SCAI: variants seen among roughly 807,000 people sequenced by gnomAD.
The protein encoded by SCAI is protein SCAI.
SCAI carries 24 observed loss-of-function variants against 92.2 expected under a neutral mutation model. The observed-to-expected ratio is 0.26, with a 90% CI of 0.19 to 0.37. The LOEUF is 0.37. Ranked by LOEUF, SCAI falls within the 10% of genes least tolerant of loss-of-function variation. The probability of loss-of-function intolerance (pLI) is 1.00; values close to 1 mark genes in which losing one functional copy is unlikely to be tolerated. For missense variants in SCAI, 450 were observed against 736.2 expected (o/e 0.61, Z 4.50); for synonymous variants, 261 against 258.6 (o/e 1.01, Z -0.09).
intron 2 of SCAI, among the ~76,000 whole-genome samples, chr9:125,098,936 T>C (rs1272689298): frequency 2.0e-5 from 3 of 152,124 alleles, no homozygotes; most frequent in African/African-American, 7.2e-5. Context: ...TTCTCCCTCC[T>C]GTTTCCAGTT....
At chr9:125,011,691 G>C (rs1344694132) in intron 9 of SCAI, among the ~76,000 whole-genome samples, 1 of 152,160 alleles carries the variant, frequency 6.6e-6, no homozygotes, top group East Asian at 1.9e-4. Flanking sequence ...ATGCCACAAA[G>C]ATATTCCTCG....
intron 14 of SCAI, among the ~76,000 whole-genome samples, chr9:124,989,888 A>C (rs541862586): frequency 2.0e-4 from 29 of 147,644 alleles, no homozygotes; most frequent in Admixed American, 1.7e-3. Flanking sequence ...CACACACACA[A>C]AAAAGGCCAG....
chr9:125,005,853 T>C (rs1832495050), intron 9 of SCAI, among the ~76,000 whole-genome samples: 1 of 152,034 alleles, frequency 6.6e-6, no homozygotes. Context: ...TCCAGAGACA[T>C]AAACATGAAG....
Position 124,944,872 on chromosome 9 carries a change from GAGAAA to G in SCAI, c.*7930_*7934del, listed in dbSNP as rs1831121272. ...GTGGACATTCACAACAGCTTCAGAA[GAGAAA>G]AGAAAATCAGTGATATAACAAACAT... On this transcript the variant is annotated 3_prime_UTR_variant, in exon 18 of 18. Coordinates refer to ENST00000336505, the MANE Select transcript of SCAI (RefSeq NM_001144877.3). The G allele has an allele frequency of 6.6e-6, 1 of 152,156 alleles. No individual in the cohort carries two copies. The highest frequency in any genetic ancestry group is 1.5e-5 in the Non-Finnish European group (1 of 68,034). The allele number at this position is 152,156 out of a possible 1,614,324, so 9.4% of individuals were successfully genotyped here. A position where few individuals can be genotyped will look rare whatever the true frequency, so the allele number is the denominator to read the frequency against.
At chr9:125,068,368 C>A (rs1588194557) in intron 2 of SCAI, among the ~76,000 whole-genome samples, 1 of 152,054 alleles carries the variant, frequency 6.6e-6, no homozygotes, top group Non-Finnish European at 1.5e-5. Flanking sequence ...GGCATGATGG[C>A]ATGCACCTGT....
intron 17 of SCAI, among the ~76,000 whole-genome samples, chr9:124,953,351 G>A (rs978348232): frequency 6.6e-5 from 10 of 152,040 alleles, no homozygotes; most frequent in Non-Finnish European, 8.8e-5. Flanking sequence ...TGGGGCAGCC[G>A]GGCACCATGG....
chr9:125,130,088 G>A (rs768209878), intron 2 of SCAI, among the ~76,000 whole-genome samples: 21 of 151,640 alleles, frequency 1.4e-4, no homozygotes, highest in Non-Finnish European at 2.8e-4. Flanking sequence ...TAGTAGAGAC[G>A]GGGTTTTGCC....
intron 2 of SCAI, among the ~76,000 whole-genome samples, chr9:125,086,986 C>T (rs1208098302): frequency 6.6e-6 from 1 of 152,094 alleles, no homozygotes; most frequent in African/African-American, 2.4e-5. Context: ...TAATTTACCA[C>T]CTAGACTAGG....
At chr9:125,139,978 G>A (rs375154435) in intron 2 of SCAI, among the ~76,000 whole-genome samples, 1 of 152,208 alleles carries the variant, frequency 6.6e-6, no homozygotes, top group Non-Finnish European at 1.5e-5. Context: ...TGTAATCCTA[G>A]CACTTTGGGA....
At chr9:125,010,497 C>T (rs1832613364) in intron 9 of SCAI, among the ~76,000 whole-genome samples, 1 of 152,186 alleles carries the variant, frequency 6.6e-6, no homozygotes, top group South Asian at 2.1e-4. Context: ...CCGCCATTGC[C>T]CAGGCTTGCT....
At chr9:125,108,275 GTC>G (rs1353745889) in intron 2 of SCAI, among the ~76,000 whole-genome samples, 1 of 152,126 alleles carries the variant, frequency 6.6e-6, no homozygotes, top group East Asian at 1.9e-4. Flanking sequence ...AGTGAGGAGC[GTC>G]TCTGCCTGGC....
intron 2 of SCAI, among the ~76,000 whole-genome samples, chr9:125,128,547 A>T (rs1467253755): frequency 4.6e-5 from 7 of 151,542 alleles, no homozygotes; most frequent in Non-Finnish European, 8.8e-5. Context: ...AGGTCAGGAG[A>T]TCGAGACCAT....
At chr9:125,126,551 T>C (rs1456725981) in intron 2 of SCAI, among the ~76,000 whole-genome samples, 1 of 57,928 alleles carries the variant, frequency 1.7e-5, no homozygotes, top group Admixed American at 2.2e-4. Flanking sequence ...CAAAGTGAGG[T>C]GGGTGGGTGG....
intron 17 of SCAI, among the ~76,000 whole-genome samples, chr9:124,954,905 C>T (rs1831290162): frequency 6.6e-6 from 1 of 151,516 alleles, no homozygotes; most frequent in South Asian, 2.1e-4. Flanking sequence ...GTGGCTCACC[C>T]TTGTAATCCC....
At chr9:125,089,517 T>C (rs1322178894) in intron 2 of SCAI, among the ~76,000 whole-genome samples, 1 of 152,174 alleles carries the variant, frequency 6.6e-6, no homozygotes, top group Non-Finnish European at 1.5e-5. Context: ...ATGAGATCTA[T>C]AGACCAGCAG....
intron 3 of SCAI, among the ~76,000 whole-genome samples, chr9:125,048,968 C>T (rs1489287971): frequency 6.6e-6 from 1 of 151,960 alleles, no homozygotes; most frequent in Non-Finnish European, 1.5e-5. Context: ...TGGTCTCAAA[C>T]TCCTGACCTC....
At chr9:125,018,504 T>C (rs1832807459) in intron 9 of SCAI, among the ~76,000 whole-genome samples, 1 of 152,240 alleles carries the variant, frequency 6.6e-6, no homozygotes, top group South Asian at 2.1e-4. Flanking sequence ...TCCTCGTCTT[T>C]TTCCTGTGTG....
At chr9:125,106,721 C>CT (rs1834808627) in intron 2 of SCAI, among the ~76,000 whole-genome samples, 1 of 127,720 alleles carries the variant, frequency 7.8e-6, no homozygotes. Context: ...TTTTTCTTTT[C>CT]CTTTTTTTTT....
At chr9:124,983,990 C>A (rs1831938731) in intron 14 of SCAI, among the ~76,000 whole-genome samples, 1 of 152,158 alleles carries the variant, frequency 6.6e-6, no homozygotes, top group Non-Finnish European at 1.5e-5. Context: ...CTAGTCACTA[C>A]AGAAAAGTTA....
Sources: gnomAD v4.1 joint callset for allele counts (sites outside exome capture counted in the v4.1 genomes callset) on GRCh38, gnomAD v4.1.1 for gene constraint, MANE v1.5 for transcripts, NCBI Gene and HGNC (gene_info 2026-07-23, HGNC 2026-07-21) for gene names.